MTRR: variants seen among roughly 807,000 people sequenced by gnomAD.
MTRR encodes 5-methyltetrahydrofolate-homocysteine methyltransferase reductase.
Under a neutral mutation model 79.2 loss-of-function variants are expected in MTRR, and 63 were observed. The ratio of observed to expected loss-of-function variants is 0.80; its 90% CI spans 0.65 to 0.98. The LOEUF (loss-of-function observed/expected upper bound fraction) is 0.98. Among genes scored for constraint, MTRR ranks in the 50% least tolerant of loss-of-function variants. MTRR has a pLI of 0.00. For missense variants in MTRR, 895 were observed against 839.6 expected (o/e 1.07, Z -0.82); for synonymous variants, 355 against 313.3 (o/e 1.13, Z -1.41).
chr5:7,862,974 A>G, intron 2 of MTRR: 1 of 1,613,870 alleles, frequency 6.2e-7, no homozygotes, highest in Non-Finnish European at 8.5e-7. Context: ...ACTTCACTTG[A>G]TATTTAGGAA....
At chr5:7,879,488 T>TAA (rs1735202647) in intron 5 of MTRR, among the ~76,000 whole-genome samples, 3 of 149,618 alleles carry the variant, frequency 2.0e-5, no homozygotes, top group Admixed American at 6.7e-5. Context: ...AAAAAAAAGT[T>TAA]TCTGGGTTTT....
chr5:7,859,385 G>A (rs753738104), intron 1 of MTRR: 1 of 1,173,990 alleles, frequency 8.5e-7, no homozygotes. Flanking sequence ...TTAATACTGA[G>A]TTCCATAAAA....
chr5:7,869,058 G>C (rs1415414801), upstream of MTRR: 41 of 1,550,808 alleles, frequency 2.6e-5, no homozygotes, highest in Non-Finnish European at 3.6e-5. Flanking sequence ...CGCGGGGCGG[G>C]AGCACGACTC....
rs1397049224 is a variant in MTRR, at chr5:7,893,141, G to A, written c.1557+228G>A. ...ATAAAGCATGAATTTTATATAGTAC[G>A]GTCTTTGCTTGTCCTATTCATGGAA... On this transcript the variant is annotated intron_variant, in intron 11 of 14. Transcript: ENST00000440940. 1.2e-5 allele frequency: 7 copies of A among 568,116 alleles called. 1 individual carries two copies. The highest frequency in any genetic ancestry group is 9.5e-5 in the East Asian group (3 of 31,746). 35.2% of individuals were successfully genotyped at this position (568,116 alleles called of 1,614,324 possible). A position where few individuals can be genotyped will look rare whatever the true frequency, so the allele number is the denominator to read the frequency against.
chr5:7,899,079 A>G (rs1217945433), intron 14 of MTRR, among the ~76,000 whole-genome samples: 1 of 151,960 alleles, frequency 6.6e-6, no homozygotes, highest in African/African-American at 2.4e-5. Flanking sequence ...GGTGCCACAC[A>G]CTCAAATAGC....
upstream of MTRR, chr5:7,866,508 C>T (rs1746960037): frequency 4.5e-6 from 3 of 672,938 alleles, no homozygotes; most frequent in African/African-American, 1.8e-5. Context: ...ATGCCAGCAT[C>T]TGTTAACTTC....
rs115297357 is a variant in MTRR, at chr5:7,895,848, C to A, written c.1672C>A (p.His558Asn). Residue 558 changes from histidine to asparagine, a missense_variant, in exon 12 of 15, where the codon CAT (histidine) becomes AAT (asparagine). His to Asn is a moderately conservative substitution (Grantham distance 68). Coordinates refer to ENST00000440940, the MANE Select transcript of MTRR (RefSeq NM_002454.3). Reference sequence around the variant, plus strand: ...AGCCCCGTTTATTGGGTTCCTACAACATAGGTATGTTCTTTTTTTGGCTAA... The same window carrying A: ...AGCCCCGTTTATTGGGTTCCTACAAAATAGGTATGTTCTTTTTTTGGCTAA... Reference protein sequence around the residue: ...GIAPFIGFLQHREKLQEQHPD... With the variant: ...GIAPFIGFLQNREKLQEQHPD... 1.2e-6 allele frequency: 2 copies of A among 1,614,086 alleles called. No homozygotes were observed. The highest frequency in any genetic ancestry group is 2.7e-5 in the African/African-American group (2 of 75,028).
intron 2 of MTRR, chr5:7,862,830 A>G (rs1746654703): frequency 5.6e-6 from 9 of 1,608,536 alleles, no homozygotes; most frequent in Non-Finnish European, 6.8e-6. Flanking sequence ...TACCTATTGT[A>G]TAACAATAGG....
upstream of MTRR, chr5:7,867,333 ATGT>A: frequency 1.9e-6 from 3 of 1,614,036 alleles, no homozygotes; most frequent in Non-Finnish European, 2.5e-6. Context: ...TCCGGGGTAA[ATGT>A]TTCCAATTTT....
intron 5 of MTRR, among the ~76,000 whole-genome samples, chr5:7,882,946 A>G (rs1735803152): frequency 6.6e-6 from 1 of 152,232 alleles, no homozygotes; most frequent in South Asian, 2.1e-4. Flanking sequence ...CAGAAATTCT[A>G]ATGTCTAATA....
intron 5 of MTRR, among the ~76,000 whole-genome samples, chr5:7,882,066 G>T (rs942113477): frequency 1.3e-5 from 2 of 152,186 alleles, no homozygotes; most frequent in Non-Finnish European, 2.9e-5. Flanking sequence ...GTCAAACAAT[G>T]AGATGTTTTT....
At chr5:7,878,571 C>T (rs536648421) in intron 5 of MTRR, among the ~76,000 whole-genome samples, 1 of 152,386 alleles carries the variant, frequency 6.6e-6, no homozygotes, top group East Asian at 1.9e-4. Context: ...CCTGCAATGC[C>T]TAAGGCATTT....
At chr5:7,865,824 G>T, upstream of MTRR, 1 of 1,146,844 alleles carries the variant, frequency 8.7e-7, no homozygotes, top group Non-Finnish European at 1.3e-6. Flanking sequence ...TATTGAGACA[G>T]ATCAGAAGTA....
Position 7,878,756 on chromosome 5 carries a change from G to A in MTRR, c.780+434G>A, listed in dbSNP as rs1021024905. Among the ~76,000 whole-genome samples, 45 of 152,250 alleles carry A rather than the reference G, an allele frequency of 3.0e-4. 3 individuals carry two copies. Among genetic ancestry groups the A allele is most frequent in the Non-Finnish European group, 4.4e-5 (3 of 68,036 alleles). ...AGATGAGTTGTGTGGGCAGTGAGTT[G>A]AGTATCACATTGCATAATAGCTAAT... is the stretch of plus-strand genomic sequence containing the variant. On this transcript the variant is annotated intron_variant, in intron 5 of 14. Coordinates refer to ENST00000440940, the MANE Select transcript of MTRR (RefSeq NM_002454.3).
intron 9 of MTRR, chr5:7,890,297 A>G (rs1737328939): frequency 1.0e-6 from 1 of 985,210 alleles, no homozygotes; most frequent in Non-Finnish European, 1.2e-6. Context: ...AAATGCTAAG[A>G]CCGTGTTGCT....
At chr5:7,879,467 A>AAG (rs1345633463) in intron 5 of MTRR, among the ~76,000 whole-genome samples, 1 of 149,484 alleles carries the variant, frequency 6.7e-6, no homozygotes, top group Non-Finnish European at 1.5e-5. Context: ...CGTCTCAAAA[A>AAG]AAAAAAAAAA....
intron 9 of MTRR, 21 bp downstream of exon 9, chr5:7,889,296 G>T (rs1210184937): frequency 1.9e-6 from 3 of 1,612,110 alleles, no homozygotes; most frequent in Non-Finnish European, 1.7e-6. Context: ...GCTTTCACAA[G>T]CACCTTGGTG....
chr5:7,852,865 C>A (rs12653983), intron 1 of MTRR, among the ~76,000 whole-genome samples: 47,159 of 151,976 alleles, frequency 0.31, 7,895 homozygotes, highest in Admixed American at 0.45. Context: ...GACCCAGTAT[C>A]ATACTTTGGA....
upstream of MTRR, chr5:7,866,915 T>G: frequency 6.2e-7 from 1 of 1,614,182 alleles, no homozygotes; most frequent in East Asian, 2.2e-5. Flanking sequence ...TGCCACTGCA[T>G]TGAGGATGGG....
Sources: allele counts gnomAD v4.1 joint callset (sites outside exome capture counted in the v4.1 genomes callset), GRCh38; gene constraint gnomAD v4.1.1; transcripts MANE v1.5; gene names NCBI Gene and HGNC (gene_info 2026-07-23, HGNC 2026-07-21).